Variants in ARB2A observed in about 807,000 individuals in gnomAD.
ARB2A encodes cotranscriptional regulator ARB2A.
chr5:93,881,619 C>T, the ARB2A span: 101 of 1,605,218 alleles, frequency 6.3e-5, no homozygotes, highest in South Asian at 5.9e-4. Context: ...GATGACTGTA[C>T]GTGTATCTTC....
At chr5:93,710,039 A>T in the ARB2A span, among the ~76,000 whole-genome samples, 1 of 152,208 alleles carries the variant, frequency 6.6e-6, no homozygotes. Flanking sequence ...TGGATGTCTA[A>T]TTCAGTGCAT....
chr5:93,653,490 CG>C, the ARB2A span, among the ~76,000 whole-genome samples: 1 of 94,694 alleles, frequency 1.1e-5, no homozygotes, highest in East Asian at 3.1e-4. Flanking sequence ...CCAGTCTGGG[CG>C]AAAAAGCGAG....
the ARB2A span, among the ~76,000 whole-genome samples, chr5:93,993,495 T>C: frequency 6.6e-6 from 1 of 152,144 alleles, no homozygotes; most frequent in Non-Finnish European, 1.5e-5. Context: ...TTTTGCACTG[T>C]AGACTCAAAG....
At chr5:93,919,499 T>C in the ARB2A span, among the ~76,000 whole-genome samples, 3 of 152,286 alleles carry the variant, frequency 2.0e-5, no homozygotes, top group Admixed American at 2.0e-4. Context: ...ACATAGACCA[T>C]GAAGGGAATT....
the ARB2A span, among the ~76,000 whole-genome samples, chr5:93,820,288 C>T: frequency 2.0e-5 from 3 of 152,076 alleles, no homozygotes; most frequent in Non-Finnish European, 4.4e-5. Flanking sequence ...CATTGATAAA[C>T]CCTGTTAATT....
At chr5:93,870,078 G>C in the ARB2A span, among the ~76,000 whole-genome samples, 3 of 152,254 alleles carry the variant, frequency 2.0e-5, no homozygotes, top group Non-Finnish European at 4.4e-5. Context: ...GAAAGTTGTA[G>C]TTGCTAAAGC....
At chr5:94,036,331 A>G in the ARB2A span, among the ~76,000 whole-genome samples, 2 of 152,222 alleles carry the variant, frequency 1.3e-5, no homozygotes, top group African/African-American at 4.8e-5. Flanking sequence ...CACATTCCCC[A>G]TAGATAAATG....
the ARB2A span, among the ~76,000 whole-genome samples, chr5:93,771,898 T>C: frequency 1.2e-4 from 19 of 152,226 alleles, no homozygotes; most frequent in Non-Finnish European, 2.8e-4. Context: ...GTCAGTGTGG[T>C]GATTCCTCAG....
chr5:94,060,481 C>T, the ARB2A span, among the ~76,000 whole-genome samples: 10 of 152,064 alleles, frequency 6.6e-5, no homozygotes, highest in South Asian at 2.1e-4. Context: ...ATAAACAATA[C>T]GAATAGTCTT....
At chr5:93,792,939 A>G in the ARB2A span, among the ~76,000 whole-genome samples, 3 of 152,208 alleles carry the variant, frequency 2.0e-5, no homozygotes, top group Admixed American at 1.3e-4. Context: ...TAGATAGAAC[A>G]ATTCCTTTTT....
the ARB2A span, among the ~76,000 whole-genome samples, chr5:93,929,866 G>A: frequency 6.6e-6 from 1 of 152,194 alleles, no homozygotes; most frequent in African/African-American, 2.4e-5. Flanking sequence ...CAGTTGAAGA[G>A]TGTTCATAAA....
the ARB2A span, among the ~76,000 whole-genome samples, chr5:93,946,054 A>C: frequency 6.6e-6 from 1 of 152,144 alleles, no homozygotes; most frequent in South Asian, 2.1e-4. Context: ...CTTTAAAATA[A>C]AGTGAACAAG....
chr5:93,719,538 C>T, the ARB2A span, among the ~76,000 whole-genome samples: 3 of 152,168 alleles, frequency 2.0e-5, no homozygotes, highest in Non-Finnish European at 4.4e-5. Flanking sequence ...CCACAGATAA[C>T]ATTTCTACCA....
chr5:93,631,757 C>T, the ARB2A span, among the ~76,000 whole-genome samples: 1 of 136,890 alleles, frequency 7.3e-6, no homozygotes, highest in Non-Finnish European at 1.5e-5. Flanking sequence ...GTACCTATGG[C>T]TGCCAGTTTG....
chr5:93,982,383 T>C, the ARB2A span, among the ~76,000 whole-genome samples: 2 of 152,166 alleles, frequency 1.3e-5, no homozygotes, highest in Non-Finnish European at 2.9e-5. Flanking sequence ...AATTTACCTA[T>C]CTGCAGAAAG....
At chr5:93,647,318 C>A in the ARB2A span, among the ~76,000 whole-genome samples, 120 of 152,216 alleles carry the variant, frequency 7.9e-4, no homozygotes, top group African/African-American at 2.8e-3. Context: ...CCTCTGCCTC[C>A]CGGGTTCAAG....
At chr5:93,986,467 C>G in the ARB2A span, among the ~76,000 whole-genome samples, 1 of 147,002 alleles carries the variant, frequency 6.8e-6, no homozygotes, top group Non-Finnish European at 1.5e-5. Flanking sequence ...CCGGCCGCCA[C>G]GTCTGGGAAG....
chr5:93,976,474 A>G, the ARB2A span, among the ~76,000 whole-genome samples: 1 of 152,162 alleles, frequency 6.6e-6, no homozygotes, highest in African/African-American at 2.4e-5. Context: ...CAAACTTCAA[A>G]TCTCATCTCG....
At chr5:94,053,310 A>T in the ARB2A span, 4 of 761,894 alleles carry the variant, frequency 5.3e-6, no homozygotes, top group Non-Finnish European at 8.1e-6. Context: ...AATTTAAAGT[A>T]TTCTTTGTTC....
Sources: allele counts gnomAD v4.1 joint callset (sites outside exome capture counted in the v4.1 genomes callset), GRCh38; gene constraint gnomAD v4.1.1; transcripts MANE v1.5; gene names NCBI Gene and HGNC (gene_info 2026-07-23, HGNC 2026-07-21).